The following ARMC9 variants were observed in gnomAD, a reference collection of about 807,000 sequenced individuals.
The protein encoded by ARMC9 is armadillo repeat containing 9.
A neutral mutation model predicts 107.0 loss-of-function variants in ARMC9; 94 were observed. The observed-to-expected ratio is 0.88, with a 90% CI of 0.74 to 1.04. ARMC9 has a LOEUF of 1.04. Ranked by LOEUF, ARMC9 falls within the 50% of genes least tolerant of loss-of-function variation. ARMC9 has a pLI of 0.00. For synonymous variants in ARMC9, 380 were observed against 396.9 expected, an observed-to-expected ratio of 0.96 and a Z score of 0.51; for missense variants, 942 against 1,030.1, an observed-to-expected ratio of 0.91 and a Z score of 1.17.
rs143609112 is a variant in ARMC9, at chr2:231,302,868, G to A, written c.1773+6615G>A. On this transcript the variant is annotated intron_variant, in intron 19 of 24. Transcript: ENST00000611582. Reference sequence around the variant, plus strand: ...AAAATACAAAAATTAGCTGGGCATCGTGGTGTGCGCCTGTAATCTCAGCTA... The same window carrying A: ...AAAATACAAAAATTAGCTGGGCATCATGGTGTGCGCCTGTAATCTCAGCTA... Among the ~76,000 whole-genome samples the A allele has an allele frequency of 4.1e-3, 624 of 152,212 alleles. 8 individuals are homozygous for A. The highest frequency in any genetic ancestry group is 0.014 in the African/African-American group (589 of 41,522).
intron 21 of ARMC9, among the ~76,000 whole-genome samples, chr2:231,350,622 C>CA (rs111301618): frequency 0.012 from 1,214 of 97,274 alleles, 6 homozygotes; most frequent in Admixed American, 0.019. Context: ...ACCCTTGTCT[C>CA]AAAAAAAAAA....
intron 19 of ARMC9, among the ~76,000 whole-genome samples, chr2:231,319,710 C>G (rs1390970331): frequency 6.6e-6 from 1 of 152,234 alleles, no homozygotes; most frequent in African/African-American, 2.4e-5. Context: ...TCACACCCCT[C>G]TCTGTACTAA....
chr2:231,355,734 G>T, intron 21 of ARMC9, 64 bp from the exon 22 acceptor site: 1 of 1,441,084 alleles, frequency 6.9e-7, no homozygotes, highest in Non-Finnish European at 9.1e-7. Flanking sequence ...GCTGCAGTCG[G>T]CAGTCGGCAG....
intron 20 of ARMC9, among the ~76,000 whole-genome samples, chr2:231,333,002 G>C (rs2043846011): frequency 1.3e-5 from 2 of 152,154 alleles, no homozygotes; most frequent in South Asian, 4.1e-4. Context: ...GCATGCAGGT[G>C]GCCTGAGGCT....
rs185497176 is a variant in ARMC9 at position 231,341,657 on chromosome 2, G to T, written c.1879-3318G>T. ...TAGATAGATGATAGATAGATAGATA[G>T]ATAGATAGATAGATAGATAGAGTAT... On this transcript the variant is annotated intron_variant, in intron 20 of 24. Coordinates refer to ENST00000611582, the MANE Select transcript of ARMC9 (RefSeq NM_001352754.2). Among the ~76,000 whole-genome samples, 233 of 127,710 alleles carry T rather than the reference G, an allele frequency of 1.8e-3. 1 individual carries two copies. Among genetic ancestry groups the T allele is most frequent in the Middle Eastern group, 3.5e-3 (1 of 286 alleles). The allele number at this position is 127,710 out of a possible 152,430, so 83.8% of individuals were successfully genotyped here.
At position 231,297,499 on chromosome 2, in the gene ARMC9, G is replaced by A. The variant is rs912874430; in HGVS notation, c.1773+1246G>A. 1.3e-5 allele frequency among the ~76,000 whole-genome samples: 2 copies of A among 152,222 alleles called. No homozygotes were observed. Among genetic ancestry groups the A allele is most frequent in the Non-Finnish European group, 1.5e-5 (1 of 68,038 alleles). On this transcript the variant is annotated intron_variant, in intron 19 of 24. Coordinates refer to ENST00000611582, the MANE Select transcript of ARMC9 (RefSeq NM_001352754.2). The surrounding 1 kb of genome is among the most constrained non-coding windows in gnomAD (Gnocchi z 4.2). The stretch of plus-strand genomic sequence containing the variant: ...GTCTCTGTTCCAACCACTCAATTCT[G>A]CCATTGTAACACGGTGGCTGTCAGC...
chr2:231,354,750 C>T (rs539150751), intron 21 of ARMC9, among the ~76,000 whole-genome samples: 39 of 152,300 alleles, frequency 2.6e-4, no homozygotes, highest in Admixed American at 1.7e-3. Context: ...ATGAGCTTGT[C>T]GTGTGTTCCC....
At chr2:231,364,800 A>C (rs1340899728) in intron 23 of ARMC9, among the ~76,000 whole-genome samples, 1 of 151,688 alleles carries the variant, frequency 6.6e-6, no homozygotes, top group Non-Finnish European at 1.5e-5. Context: ...TTCATTTCAA[A>C]AAAAAAAAAG....
At chr2:231,353,377 G>A (rs1250703867) in intron 21 of ARMC9, among the ~76,000 whole-genome samples, 3 of 124,392 alleles carry the variant, frequency 2.4e-5, no homozygotes, top group Admixed American at 1.4e-4. Context: ...TAGTAGAGAC[G>A]GGGTTTCACT....
chr2:231,364,112 C>T (rs923826276), intron 23 of ARMC9, among the ~76,000 whole-genome samples: 1 of 152,236 alleles, frequency 6.6e-6, no homozygotes, highest in Non-Finnish European at 1.5e-5. Flanking sequence ...TCAGTCCAGA[C>T]CACAGAGGCT....
intron 9 of ARMC9, chr2:231,256,244 G>C: frequency 6.5e-7 from 1 of 1,542,678 alleles, no homozygotes; most frequent in African/African-American, 1.4e-5. Context: ...AAAAGGCCCC[G>C]TGCGCGAGGG....
At chr2:231,286,859 G>C (rs929988527) in intron 17 of ARMC9, among the ~76,000 whole-genome samples, 1 of 152,152 alleles carries the variant, frequency 6.6e-6, no homozygotes, top group African/African-American at 2.4e-5. Flanking sequence ...AAGGGAAAAA[G>C]GAGAACAAAA....
intron 18 of ARMC9, among the ~76,000 whole-genome samples, chr2:231,292,630 C>G (rs3806549): frequency 0.12 from 18,738 of 152,116 alleles, 2,471 homozygotes; most frequent in African/African-American, 0.32. Flanking sequence ...TCTGTGGACT[C>G]CTGACATCAT....
chr2:231,282,120 A>G lies in ARMC9; in HGVS notation c.1613A>G (p.Glu538Gly). The G allele has an allele frequency of 6.2e-7, 1 of 1,614,144 alleles. No individual in the cohort carries two copies. The highest frequency in any genetic ancestry group is 8.5e-7 in the Non-Finnish European group (1 of 1,179,986). Residue 538 changes from glutamate to glycine, a missense_variant, in exon 17 of 25, where the codon GAA (glutamate) becomes GGA (glycine). By Grantham distance (98) the Glu-to-Gly change is moderately conservative. Transcript: ENST00000611582. ...CTTTCTGTTCCATCCATTCGTGAGG[A>G]AGCAAGAGCAATGGTAAGAAAGCGT... is the stretch of plus-strand genomic sequence containing the variant. ...SILSVPSIREEARAMGMEDIL... is the reference protein window; with the variant it reads ...SILSVPSIREGARAMGMEDIL...
At chr2:231,329,025 G>A (rs2043540867) in intron 19 of ARMC9, among the ~76,000 whole-genome samples, 1 of 151,634 alleles carries the variant, frequency 6.6e-6, no homozygotes, top group Admixed American at 6.6e-5. Context: ...CACCATGTTA[G>A]TTAGCCAGAA....
intron 12 of ARMC9, among the ~76,000 whole-genome samples, chr2:231,263,498 C>T (rs1054907732): frequency 6.6e-6 from 1 of 152,178 alleles, no homozygotes; most frequent in African/African-American, 2.4e-5. Flanking sequence ...AATAACTAAC[C>T]CACTCCGGCA....
At chr2:231,306,371 C>CT (rs2042034418) in intron 19 of ARMC9, among the ~76,000 whole-genome samples, 4 of 152,194 alleles carry the variant, frequency 2.6e-5, no homozygotes, top group South Asian at 4.1e-4. Context: ...TCATTGCCAC[C>CT]TTTTTTTAAT....
At chr2:231,286,238 C>A (rs958776165) in intron 17 of ARMC9, among the ~76,000 whole-genome samples, 2 of 152,148 alleles carry the variant, frequency 1.3e-5, no homozygotes, top group Non-Finnish European at 2.9e-5. Context: ...ACCTCAGCCT[C>A]CAGAGTAGCT....
intron 5 of ARMC9, among the ~76,000 whole-genome samples, chr2:231,222,361 G>C (rs999576044): frequency 6.6e-6 from 1 of 152,114 alleles, no homozygotes; most frequent in Non-Finnish European, 1.5e-5. Context: ...AGTGATAATT[G>C]TTTATGTTAC....
Sources: gnomAD v4.1 joint callset for allele counts (sites outside exome capture counted in the v4.1 genomes callset) on GRCh38, gnomAD v4.1.1 for gene constraint, Gnocchi (gnomAD v3.1) non-coding constraint, MANE v1.5 for transcripts, NCBI Gene and HGNC (gene_info 2026-07-23, HGNC 2026-07-21) for gene names.